The following IL1RAPL1 variants were observed in gnomAD, a reference collection of about 807,000 sequenced individuals.
The protein encoded by IL1RAPL1 is interleukin-1 receptor accessory protein-like 1.
Under a neutral mutation model 48.4 loss-of-function variants are expected in IL1RAPL1, and 3 were observed. That is an observed-to-expected ratio of 0.06 (90% CI 0.03 to 0.16). IL1RAPL1 has a LOEUF of 0.16. IL1RAPL1 is among the 10% of genes least tolerant of loss of function. The probability of loss-of-function intolerance (pLI) is 1.00; values close to 1 mark genes in which losing one functional copy is unlikely to be tolerated. For synonymous variants in IL1RAPL1, 185 were observed against 187.7 expected, an observed-to-expected ratio of 0.99 and a Z score of 0.12; for missense variants, 349 against 530.6, an observed-to-expected ratio of 0.66 and a Z score of 3.36.
chrX:29,647,171 G>A (rs1048132476), intron 5 of IL1RAPL1, among the ~76,000 whole-genome samples: 18 of 111,172 alleles, frequency 1.6e-4, no homozygotes, highest in Non-Finnish European at 2.8e-4. Flanking sequence ...CCAACATGGC[G>A]AAACCTCGTC....
intron 2 of IL1RAPL1, among the ~76,000 whole-genome samples, chrX:28,904,763 T>C (rs1206319804): frequency 8.9e-6 from 1 of 112,135 alleles, no homozygotes; most frequent in African/African-American, 3.2e-5. Flanking sequence ...CAATGAGTTA[T>C]TCTATTGCAT....
chrX:29,465,250 A>G (rs923116039), intron 5 of IL1RAPL1, among the ~76,000 whole-genome samples: 4 of 110,429 alleles, frequency 3.6e-5, no homozygotes, highest in African/African-American at 1.3e-4. Flanking sequence ...ACAAAAAAAT[A>G]CAAAAATCAG....
chrX:29,469,426 G>A (rs763373240), intron 5 of IL1RAPL1, among the ~76,000 whole-genome samples: 17 of 111,662 alleles, frequency 1.5e-4, no homozygotes, highest in African/African-American at 5.5e-4. Flanking sequence ...TGTAGCTAGA[G>A]GCTGAATACA....
At chrX:28,920,723 G>A (rs1923595155) in intron 2 of IL1RAPL1, among the ~76,000 whole-genome samples, 1 of 112,017 alleles carries the variant, frequency 8.9e-6, no homozygotes, top group South Asian at 3.7e-4. Flanking sequence ...AACAATAGCT[G>A]CATAAAGAGC....
chrX:28,715,135 G>T (rs927687848), intron 1 of IL1RAPL1, among the ~76,000 whole-genome samples: 2 of 112,071 alleles, frequency 1.8e-5, no homozygotes, highest in Non-Finnish European at 3.8e-5. Flanking sequence ...AAAATTGATC[G>T]TATAATCAGA....
intron 2 of IL1RAPL1, among the ~76,000 whole-genome samples, chrX:29,262,385 C>T (rs959469238): frequency 9.0e-6 from 1 of 111,528 alleles, no homozygotes; most frequent in Non-Finnish European, 1.9e-5. Flanking sequence ...TAATAGGTAG[C>T]TGGGCATGGT....
At chrX:29,493,929 C>G (rs1935185670) in intron 5 of IL1RAPL1, among the ~76,000 whole-genome samples, 1 of 111,483 alleles carries the variant, frequency 9.0e-6, no homozygotes, top group Non-Finnish European at 1.9e-5. Flanking sequence ...GAGTCTCGCT[C>G]TGTTGCCCAG....
intron 1 of IL1RAPL1, among the ~76,000 whole-genome samples, chrX:28,784,019 T>TA (rs1256181993): frequency 8.9e-6 from 1 of 112,009 alleles, no homozygotes; most frequent in Non-Finnish European, 1.9e-5. Flanking sequence ...ACTCCATAAT[T>TA]AAAAAAACAA....
At chrX:29,699,054 T>C (rs914894949) in intron 6 of IL1RAPL1, among the ~76,000 whole-genome samples, 2 of 112,351 alleles carry the variant, frequency 1.8e-5, no homozygotes, top group African/African-American at 6.5e-5. Context: ...TCTGTTTATT[T>C]GATTTGACTT....
At chrX:28,655,641 C>T (rs919449458) in intron 1 of IL1RAPL1, among the ~76,000 whole-genome samples, 3 of 111,766 alleles carry the variant, frequency 2.7e-5, no homozygotes, top group African/African-American at 9.8e-5. Flanking sequence ...CTAATGGGAA[C>T]TGACAGATCG....
chrX:28,984,219 T>C (rs1230991363), intron 2 of IL1RAPL1, among the ~76,000 whole-genome samples: 1 of 111,802 alleles, frequency 8.9e-6, no homozygotes, highest in African/African-American at 3.2e-5. Context: ...TTTTAAATTG[T>C]CTATAAATTT....
At chrX:29,372,328 G>A (rs373335498) in intron 3 of IL1RAPL1, among the ~76,000 whole-genome samples, 10 of 111,499 alleles carry the variant, frequency 9.0e-5, no homozygotes, top group Admixed American at 3.8e-4. Context: ...TTAGACTTTC[G>A]CCAAATGCAT....
At chrX:28,732,785 C>T (rs187215508) in intron 1 of IL1RAPL1, among the ~76,000 whole-genome samples, 1,452 of 111,183 alleles carry the variant, frequency 0.013, 27 homozygotes, top group African/African-American at 0.045. Flanking sequence ...AGGAGAATTG[C>T]TTGAACCCGG....
chrX:28,731,631 G>A (rs1193722335), intron 1 of IL1RAPL1, among the ~76,000 whole-genome samples: 1 of 111,051 alleles, frequency 9.0e-6, no homozygotes, highest in Non-Finnish European at 1.9e-5. Flanking sequence ...CTGAGGGAGA[G>A]ACAGGCAAAG....
chrX:29,830,545 G>T (rs1187759971), intron 6 of IL1RAPL1, among the ~76,000 whole-genome samples: 1 of 108,194 alleles, frequency 9.2e-6, no homozygotes, highest in East Asian at 2.9e-4. Context: ...CGCCTCCTGG[G>T]TTCAAGCGAT....
chrX:29,276,896 G>A (rs2147596248), intron 2 of IL1RAPL1, among the ~76,000 whole-genome samples: 1 of 111,637 alleles, frequency 9.0e-6, no homozygotes, highest in Admixed American at 9.6e-5. Context: ...GATAAAGATA[G>A]AGAAAGATAG....
intron 2 of IL1RAPL1, among the ~76,000 whole-genome samples, chrX:29,134,345 C>G (rs1173395535): frequency 4.5e-5 from 5 of 111,957 alleles, no homozygotes; most frequent in African/African-American, 1.6e-4. Flanking sequence ...TGGTCTATAT[C>G]CTGTCTGCCA....
At chrX:29,262,744 G>A (rs1931882824) in intron 2 of IL1RAPL1, among the ~76,000 whole-genome samples, 2 of 111,389 alleles carry the variant, frequency 1.8e-5, no homozygotes, top group East Asian at 5.6e-4. Flanking sequence ...GATTGTTAGA[G>A]GTGAAACCTT....
At position 29,263,613 on chromosome X, in the gene IL1RAPL1, C is replaced by T. The variant is rs145099388; in HGVS notation, c.83-19325C>T. 1.5e-3 allele frequency among the ~76,000 whole-genome samples: 170 copies of T among 111,741 alleles called. No individual in the cohort carries two copies. The Middle Eastern group carries it at 0.042, about 28-fold the overall frequency. ...CTAGTCCAATCATAGGCTTACGTTA[C>T]TAGGATAAGTCAAGTTTGTGGTTTC... On this transcript the variant is annotated intron_variant, in intron 2 of 10. Transcript: ENST00000378993.
Sources: gnomAD v4.1 joint callset for allele counts (sites outside exome capture counted in the v4.1 genomes callset) on GRCh38, gnomAD v4.1.1 for gene constraint, MANE v1.5 for transcripts, NCBI Gene and HGNC (gene_info 2026-07-23, HGNC 2026-07-21) for gene names.